Variants in EPHB1 observed in about 807,000 individuals in gnomAD.
The protein encoded by EPHB1 is EPH receptor B1.
A neutral mutation model predicts 94.4 loss-of-function variants in EPHB1; 30 were observed. The observed-to-expected ratio is 0.32, with a 90% confidence interval of 0.24 to 0.43. The LOEUF is 0.43. EPHB1 is among the 20% of genes least tolerant of loss of function. EPHB1 has a pLI of 1.00. For synonymous variants in EPHB1, 522 were observed against 489.1 expected, an observed-to-expected ratio of 1.07 and a Z score of -0.89; for missense variants, 1,055 against 1,308.3, an observed-to-expected ratio of 0.81 and a Z score of 2.99.
At chr3:134,835,761 TG>T (rs1392762585) in intron 1 of EPHB1, among the ~76,000 whole-genome samples, 1 of 152,094 alleles carries the variant, frequency 6.6e-6, no homozygotes, top group Non-Finnish European at 1.5e-5. Context: ...GGAGGAGGTC[TG>T]GGGAAGTGAG....
At chr3:135,113,150 C>T (rs1355398539) in intron 4 of EPHB1, among the ~76,000 whole-genome samples, 6 of 152,134 alleles carry the variant, frequency 3.9e-5, no homozygotes, top group East Asian at 1.9e-4. Flanking sequence ...ATTTGGGTCC[C>T]CGCCCCATGC....
At chr3:135,067,184 T>G (rs1937591425) in intron 3 of EPHB1, among the ~76,000 whole-genome samples, 1 of 152,102 alleles carries the variant, frequency 6.6e-6, no homozygotes, top group South Asian at 2.1e-4. Context: ...CAGGAGGTGG[T>G]GCTTTCAAGA....
chr3:135,143,092 G>T (rs1940882943), intron 5 of EPHB1, among the ~76,000 whole-genome samples: 1 of 151,854 alleles, frequency 6.6e-6, no homozygotes, highest in Admixed American at 6.6e-5. Flanking sequence ...CTTCCTTAAT[G>T]CAGGCATGGA....
chr3:135,091,056 CTT>C (rs1216502170), intron 3 of EPHB1, among the ~76,000 whole-genome samples: 1 of 152,246 alleles, frequency 6.6e-6, no homozygotes, highest in Non-Finnish European at 1.5e-5. Context: ...TTGACCTTCT[CTT>C]GAGATGCAGC....
At chr3:135,180,554 G>A (rs560351621) in intron 10 of EPHB1, among the ~76,000 whole-genome samples, 4 of 152,192 alleles carry the variant, frequency 2.6e-5, no homozygotes, top group East Asian at 3.9e-4. Context: ...AACACAAGAC[G>A]AATTTCACTC....
chr3:134,904,038 G>T (rs2107691053), intron 1 of EPHB1, among the ~76,000 whole-genome samples: 1 of 152,322 alleles, frequency 6.6e-6, no homozygotes, highest in East Asian at 1.9e-4. Context: ...TTTCAGGAGG[G>T]TGTGTCTACC....
At chr3:134,968,609 TCTTAA>T (rs1324236632) in intron 3 of EPHB1, among the ~76,000 whole-genome samples, 8 of 152,210 alleles carry the variant, frequency 5.3e-5, no homozygotes, top group African/African-American at 1.2e-4. Flanking sequence ...AAATTTGACT[TCTTAA>T]CTTATTTAAG....
intron 1 of EPHB1, among the ~76,000 whole-genome samples, chr3:134,857,724 A>G (rs1306050137): frequency 6.6e-6 from 1 of 152,116 alleles, no homozygotes; most frequent in East Asian, 1.9e-4. Context: ...AAGGGTGCAG[A>G]TGAAGGCACA....
rs898447210 is a variant in EPHB1 at position 135,259,333 on chromosome 3, A to G, written c.*213A>G. On this transcript the variant is annotated 3_prime_UTR_variant, in exon 16 of 16. Transcript: ENST00000398015. ...TGAGATGCCGTGGGAAACCAAATAT[A>G]TAATAATAAAAATATAAAAAGGTGA... The G allele has an allele frequency of 2.6e-6, 1 of 390,190 alleles. No homozygotes were observed. Among genetic ancestry groups the G allele is most frequent in the East Asian group, 4.0e-5 (1 of 24,806 alleles). The allele number at this position is 390,190 out of a possible 1,614,324, so 24.2% of individuals were successfully genotyped here.
At chr3:134,816,015 G>A (rs2036261102) in intron 1 of EPHB1, among the ~76,000 whole-genome samples, 1 of 33,742 alleles carries the variant, frequency 3.0e-5, no homozygotes, top group Non-Finnish European at 6.8e-5. Context: ...GGGGCCACAC[G>A]CCGTGTCCTC....
chr3:134,938,547 A>G (rs2107708390), intron 2 of EPHB1, among the ~76,000 whole-genome samples: 1 of 152,336 alleles, frequency 6.6e-6, no homozygotes, highest in Non-Finnish European at 1.5e-5. Context: ...CACACGCCCA[A>G]GCACGCATAT....
At chr3:134,930,952 G>A (rs2038893793) in intron 2 of EPHB1, among the ~76,000 whole-genome samples, 1 of 152,142 alleles carries the variant, frequency 6.6e-6, no homozygotes, top group Admixed American at 6.5e-5. Context: ...CCCTCTTTGT[G>A]TCCCTGGTGC....
chr3:134,887,400 C>T (rs996735263), intron 1 of EPHB1, among the ~76,000 whole-genome samples: 2 of 152,182 alleles, frequency 1.3e-5, no homozygotes, highest in African/African-American at 4.8e-5. Context: ...CAAGGACAGC[C>T]TGGCTTCAGG....
intron 1 of EPHB1, among the ~76,000 whole-genome samples, chr3:134,914,539 C>G (rs960716340): frequency 6.6e-6 from 1 of 152,178 alleles, no homozygotes; most frequent in Admixed American, 6.5e-5. Flanking sequence ...TGGCATGTAG[C>G]TGCCTCCTTG....
At chr3:135,033,593 T>G (rs1372761282) in intron 3 of EPHB1, among the ~76,000 whole-genome samples, 3 of 152,200 alleles carry the variant, frequency 2.0e-5, no homozygotes, top group African/African-American at 7.2e-5. Flanking sequence ...TGCACAGGCA[T>G]AGCACTGGGG....
At chr3:135,048,977 C>A (rs1222843972) in intron 3 of EPHB1, among the ~76,000 whole-genome samples, 2 of 152,196 alleles carry the variant, frequency 1.3e-5, no homozygotes, top group Non-Finnish European at 2.9e-5. Context: ...TGCTTCCTTA[C>A]AGCCTCAGAA....
intron 9 of EPHB1, among the ~76,000 whole-genome samples, chr3:135,171,108 A>T (rs1941790473): frequency 6.6e-6 from 1 of 152,222 alleles, no homozygotes; most frequent in African/African-American, 2.4e-5. Context: ...GATTAAGCAG[A>T]TGAGTTCTGG....
intron 12 of EPHB1, among the ~76,000 whole-genome samples, chr3:135,240,624 C>A (rs370684211): frequency 6.6e-6 from 1 of 152,182 alleles, no homozygotes; most frequent in Non-Finnish European, 1.5e-5. Context: ...ACCTGCCCCC[C>A]AGAGGTGGAA....
intron 15 of EPHB1, among the ~76,000 whole-genome samples, chr3:135,252,998 G>A (rs1317625227): frequency 6.7e-6 from 1 of 150,218 alleles, no homozygotes; most frequent in Non-Finnish European, 1.5e-5. Context: ...GTGTTTTTTG[G>A]CTGCATAAAT....
Sources: allele counts gnomAD v4.1 joint callset (sites outside exome capture counted in the v4.1 genomes callset), GRCh38; gene constraint gnomAD v4.1.1; transcripts MANE v1.5; gene names NCBI Gene and HGNC (gene_info 2026-07-23, HGNC 2026-07-21).